Variants in GPM6A observed in about 807,000 individuals in gnomAD.
The protein encoded by GPM6A is glycoprotein M6A.
A neutral mutation model predicts 32.1 loss-of-function variants in GPM6A; 7 were observed. The ratio of observed to expected loss-of-function variants is 0.22; its 90% CI spans 0.12 to 0.41. The LOEUF (loss-of-function observed/expected upper bound fraction) is 0.41, where lower values mean the gene tolerates loss of function less well. GPM6A is among the 10% of genes least tolerant of loss of function. The pLI is 1.00. For synonymous variants in GPM6A, 130 were observed against 123.4 expected (o/e 1.05, Z -0.35); for missense variants, 235 against 347.2 (o/e 0.68, Z 2.57).
intron 1 of GPM6A, among the ~76,000 whole-genome samples, chr4:175,899,065 C>G (rs1427681297): frequency 6.6e-6 from 1 of 152,096 alleles, no homozygotes; most frequent in Admixed American, 6.5e-5. Flanking sequence ...AAACCTTAGT[C>G]AGTTTTCAGT....
intron 1 of GPM6A, 42 bp downstream of exon 1, chr4:175,812,149 A>G (rs1167520971): frequency 1.4e-6 from 2 of 1,438,716 alleles, no homozygotes; most frequent in African/African-American, 1.4e-5. Context: ...GGAAACTGCA[A>G]AATAATTACT....
chr4:175,705,686 T>G lies in GPM6A; in HGVS notation c.38-3919A>C, dbSNP rs111681085. On this transcript the variant is annotated intron_variant, in intron 1 of 6. Transcript: ENST00000393658. ...TGGGCCCCGGATAGGTTCCCAACAA[T>G]CACCCTTTAAGGCTGCGGATCTTGC... Among the ~76,000 whole-genome samples, 932 of 152,126 alleles carry G rather than the reference T, an allele frequency of 6.1e-3. 10 individuals are homozygous for G. The highest frequency in any genetic ancestry group is 0.021 in the African/African-American group (891 of 41,488).
intron 1 of GPM6A, among the ~76,000 whole-genome samples, chr4:175,918,007 G>A (rs1355162308): frequency 6.6e-6 from 1 of 152,018 alleles, no homozygotes; most frequent in Non-Finnish European, 1.5e-5. Flanking sequence ...CTGCTTTAGT[G>A]ATAAATCCCA....
intron 1 of GPM6A, among the ~76,000 whole-genome samples, chr4:175,972,270 C>T (rs1740527826): frequency 6.6e-6 from 1 of 152,018 alleles, no homozygotes; most frequent in South Asian, 2.1e-4. Context: ...ATACAATATT[C>T]CAGTGTATCT....
chr4:175,644,639 CTG>C (rs941812196), intron 4 of GPM6A, among the ~76,000 whole-genome samples: 1 of 152,006 alleles, frequency 6.6e-6, no homozygotes, highest in Non-Finnish European at 1.5e-5. Context: ...TCTCATATAT[CTG>C]TCTATGAATG....
Position 175,743,156 on chromosome 4 carries a change from G to A in GPM6A, c.38-41389C>T, listed in dbSNP as rs142748885. Among the ~76,000 whole-genome samples the A allele has an allele frequency of 3.1e-3, 463 of 151,438 alleles. 11 individuals carry two copies. Among genetic ancestry groups the A allele is most frequent in the Admixed American group, 0.028 (424 of 15,182 alleles). ...AAGGGAAAATGAAAATCCTCAGAAG[G>A]GCTAAATCTGTGAGCAGATCTAGAT... On this transcript the variant is annotated intron_variant, in intron 1 of 6. Coordinates refer to ENST00000393658, the MANE Select transcript of GPM6A (RefSeq NM_201591.3).
rs1740954933 is a variant in GPM6A, at chr4:175,985,776, A to T, written c.-23+16533T>A. Among the ~76,000 whole-genome samples, 2 of 152,074 alleles carry T rather than the reference A, an allele frequency of 1.3e-5. 1 individual carries two copies. On this transcript the variant is annotated intron_variant, in intron 1 of 7. Transcript: ENST00000280187. Reference sequence around the variant, plus strand: ...TAATTTTTATCATAAGTTAATGTTAAATTTTATTAAATATGTTTTCTTTCA... The same window carrying T: ...TAATTTTTATCATAAGTTAATGTTATATTTTATTAAATATGTTTTCTTTCA...
chr4:175,960,518 G>A (rs952841372), intron 1 of GPM6A, among the ~76,000 whole-genome samples: 4 of 152,042 alleles, frequency 2.6e-5, no homozygotes, highest in South Asian at 4.2e-4. Context: ...GTGGTTTGCC[G>A]CACCTGTCAA....
chr4:175,950,617 T>G (rs1739775317), intron 1 of GPM6A, among the ~76,000 whole-genome samples: 1 of 152,178 alleles, frequency 6.6e-6, no homozygotes, highest in Non-Finnish European at 1.5e-5. Context: ...CAAAAGAACC[T>G]AGGACAATCT....
At chr4:175,971,317 G>A (rs1740495837) in intron 1 of GPM6A, among the ~76,000 whole-genome samples, 1 of 150,850 alleles carries the variant, frequency 6.6e-6, no homozygotes, top group Non-Finnish European at 1.5e-5. Context: ...CCTGCCTTTA[G>A]GTTACTATGC....
intron 4 of GPM6A, among the ~76,000 whole-genome samples, chr4:175,646,664 G>T (rs1368833092): frequency 6.6e-6 from 1 of 152,116 alleles, no homozygotes; most frequent in Non-Finnish European, 1.5e-5. Flanking sequence ...AATGATATTT[G>T]TGGGTTTTTG....
At chr4:175,813,571 C>T (rs983880244), upstream of GPM6A, among the ~76,000 whole-genome samples, 9 of 151,780 alleles carry the variant, frequency 5.9e-5, no homozygotes, top group South Asian at 2.1e-4. Flanking sequence ...AGCACACACA[C>T]GGAGAGGCAC....
At chr4:175,972,970 G>A (rs949191973) in intron 1 of GPM6A, among the ~76,000 whole-genome samples, 1 of 152,156 alleles carries the variant, frequency 6.6e-6, no homozygotes, top group African/African-American at 2.4e-5. Context: ...ATGAATGGAT[G>A]ATCACATGAC....
intron 1 of GPM6A, among the ~76,000 whole-genome samples, chr4:175,821,648 T>C (rs1363411582): frequency 6.6e-6 from 1 of 152,074 alleles, no homozygotes; most frequent in Non-Finnish European, 1.5e-5. Context: ...TTTTAAAATG[T>C]TCTCCCTAGG....
intron 5 of GPM6A, among the ~76,000 whole-genome samples, 200 bp downstream of exon 5, chr4:175,640,550 GTTA>G (rs1329936424): frequency 2.0e-5 from 3 of 152,040 alleles, no homozygotes; most frequent in South Asian, 4.1e-4. Context: ...ATTTGAAATA[GTTA>G]TTATAATTTT....
At chr4:175,774,265 A>G (rs1733307097) in intron 1 of GPM6A, among the ~76,000 whole-genome samples, 1 of 152,042 alleles carries the variant, frequency 6.6e-6, no homozygotes, top group African/African-American at 2.4e-5. Context: ...TTTCTTCCGA[A>G]CCAAAGGTCT....
chr4:175,943,864 G>C (rs1739501732), intron 1 of GPM6A, among the ~76,000 whole-genome samples: 1 of 152,146 alleles, frequency 6.6e-6, no homozygotes, highest in South Asian at 2.1e-4. Context: ...GTCTCTGCCA[G>C]GTTTTGGTAC....
chr4:175,710,478 G>A (rs960719845), intron 1 of GPM6A, among the ~76,000 whole-genome samples: 4 of 151,192 alleles, frequency 2.6e-5, no homozygotes, highest in Admixed American at 1.3e-4. Context: ...ATTTATTTTC[G>A]TTTTCAAATA....
Position 175,722,770 on chromosome 4 carries a change from G to A in GPM6A, c.38-21003C>T, listed in dbSNP as rs1029571497. On this transcript the variant is annotated intron_variant, in intron 1 of 6. Coordinates refer to ENST00000393658, the MANE Select transcript of GPM6A (RefSeq NM_201591.3). Reference sequence around the variant, plus strand: ...TTAAAAATTCTTTCTTTGACCAGCCGTCGTGGCTCATACCTGTAATCCCAG... The same window carrying A: ...TTAAAAATTCTTTCTTTGACCAGCCATCGTGGCTCATACCTGTAATCCCAG... 4.6e-5 allele frequency among the ~76,000 whole-genome samples: 7 copies of A among 152,138 alleles called. No homozygotes were observed. In the South Asian group the frequency reaches 6.2e-4, roughly 14 times the overall value.
Sources: gnomAD v4.1 joint callset for allele counts (sites outside exome capture counted in the v4.1 genomes callset) on GRCh38, gnomAD v4.1.1 for gene constraint, MANE v1.5 for transcripts, NCBI Gene and HGNC (gene_info 2026-07-23, HGNC 2026-07-21) for gene names.